Variants in SNX1 observed in about 807,000 individuals in gnomAD.
SNX1 encodes the protein sorting nexin-1.
SNX1 carries 36 observed loss-of-function variants against 71.8 expected under a neutral mutation model. The ratio of observed to expected loss-of-function variants is 0.50; its 90% CI spans 0.38 to 0.66. The LOEUF (loss-of-function observed/expected upper bound fraction) is 0.66. Among genes scored for constraint, SNX1 ranks in the 30% least tolerant of loss-of-function variants. The pLI is 0.00. For synonymous variants in SNX1, 254 were observed against 240.7 expected, an observed-to-expected ratio of 1.06 and a Z score of -0.51; for missense variants, 612 against 646.7, an observed-to-expected ratio of 0.95 and a Z score of 0.58.
chr15:64,096,959 AAC>A (rs2080908943), intron 1 of SNX1, among the ~76,000 whole-genome samples: 1 of 152,244 alleles, frequency 6.6e-6, no homozygotes, highest in Admixed American at 6.5e-5. Context: ...AAAGGAATGA[AAC>A]ACAAACGAAG....
At position 64,141,017 on chromosome 15, in the gene SNX1, A is replaced by ATAGG. The variant is rs2081408539; in HGVS notation, c.*3402_*3403insGTAG. ...GATAGATAGATAGATAGATAGATAG[A>ATAGG]TAGATAGATGATAGATATAGATAGA... On this transcript the variant is annotated 3_prime_UTR_variant, in exon 15 of 15. Transcript: ENST00000559844. The surrounding 1 kb of genome is among the most constrained non-coding windows in gnomAD (Gnocchi z 5.1). The ATAGG allele has an allele frequency of 6.6e-6, 1 of 150,786 alleles. No homozygotes were observed. The highest frequency in any genetic ancestry group is 6.6e-5 in the Admixed American group (1 of 15,260). The allele number at this position is 150,786 out of a possible 1,614,324, so 9.3% of individuals were successfully genotyped here.
Position 64,142,636 on chromosome 15 carries a change from C to T in SNX1, c.*5018C>T, listed in dbSNP as rs1201292942. 2.2e-6 allele frequency: 1 copy of T among 455,958 alleles called. No individual in the cohort carries two copies. The highest frequency in any genetic ancestry group is 3.3e-4 in the Middle Eastern group (1 of 3,068). The allele number at this position is 455,958 out of a possible 1,614,324, so 28.2% of individuals were successfully genotyped here. On this transcript the variant is annotated 3_prime_UTR_variant, in exon 15 of 15. Transcript: ENST00000559844. ...TTAAAATTTTCTGAGATAGGAATGT[C>T]ATATTTACCTATTTAAGCCAAGTTT...
At chr15:64,133,918 AG>A (rs1436895307) in intron 11 of SNX1, among the ~76,000 whole-genome samples, 1 of 152,326 alleles carries the variant, frequency 6.6e-6, no homozygotes, top group Non-Finnish European at 1.5e-5. Flanking sequence ...ATTGTGGTCA[AG>A]GAACTGGAAA....
At chr15:64,124,174 A>ATATATATATATATATATATG (rs2081225781) in intron 5 of SNX1, among the ~76,000 whole-genome samples, 1 of 99,460 alleles carries the variant, frequency 1.0e-5, no homozygotes, top group Non-Finnish European at 2.3e-5. Flanking sequence ...ATATATATAT[A>ATATATATATATATATATATG]TATATGACTG....
rs35090758 is a variant in SNX1, at chr15:64,104,884, T to TA, written c.160-7670dup. Among the ~76,000 whole-genome samples, 1,236 of 125,608 alleles carry TA rather than the reference T, an allele frequency of 9.8e-3. 11 individuals are homozygous for TA. Among genetic ancestry groups the TA allele is most frequent in the African/African-American group, 0.03 (1,011 of 33,516 alleles). The allele number at this position is 125,608 out of a possible 152,430, so 82.4% of individuals were successfully genotyped here. On this transcript the variant is annotated intron_variant, in intron 1 of 14. Coordinates refer to ENST00000559844, the MANE Select transcript of SNX1 (RefSeq NM_003099.5). ...TGGGCGACAGAGCAAGACTTGATCT[T>TA]AAAAAAAAAAAAAAAAAAAGATGGC... is the stretch of plus-strand genomic sequence containing the variant.
chr15:64,141,518 C>T lies in SNX1; in HGVS notation c.*3900C>T, dbSNP rs1267956325. On this transcript the variant is annotated 3_prime_UTR_variant, in exon 15 of 15. Transcript: ENST00000559844. This position sits in a 1 kb window ranked among gnomAD's most constrained non-coding sequence, Gnocchi z 5.1. ...CCAGGAGGGAGGACTTTGTGGAGAA[C>T]CTGATGCTTGAACTGAGTCTAAAAG... 10 of 152,266 alleles carry T rather than the reference C, an allele frequency of 6.6e-5. No homozygotes were observed. The highest frequency in any genetic ancestry group is 1.0e-4 in the Non-Finnish European group (7 of 68,104). 9.4% of individuals were successfully genotyped at this position (152,266 alleles called of 1,614,324 possible).
intron 1 of SNX1, among the ~76,000 whole-genome samples, chr15:64,106,269 A>G (rs754118687): frequency 1.3e-5 from 2 of 152,116 alleles, no homozygotes; most frequent in Non-Finnish European, 2.9e-5. Context: ...TTCATAGATT[A>G]CCCCCTGAAG....
intron 1 of SNX1, among the ~76,000 whole-genome samples, chr15:64,105,616 G>C (rs1176236096): frequency 6.6e-6 from 1 of 152,168 alleles, no homozygotes; most frequent in Non-Finnish European, 1.5e-5. Context: ...TTTCAATTTA[G>C]AAGGTAATCC....
In SNX1 at chr15:64,118,101, A is replaced by G. The variant is rs779150705; in HGVS notation, c.272-16A>G. On this transcript the variant is annotated splice_polypyrimidine_tract_variant and intron_variant, in intron 2 of 14. Transcript: ENST00000559844. ...TCATTACTGACCTTCATTTTAAAAT[A>G]TCAACTTCATTTTAGATGCCACAGT... 5 of 1,609,576 alleles carry G rather than the reference A, an allele frequency of 3.1e-6. 1 individual carries two copies. The South Asian group carries it at 5.5e-5, about 18-fold the overall frequency.
At chr15:64,108,036 A>G (rs1451264915) in intron 1 of SNX1, among the ~76,000 whole-genome samples, 1 of 152,048 alleles carries the variant, frequency 6.6e-6, no homozygotes, top group East Asian at 1.9e-4. Flanking sequence ...TACTAAAAAT[A>G]CAAAAAATTA....
At position 64,137,576 on chromosome 15, in the gene SNX1, G is replaced by T. The variant is rs763270451; in HGVS notation, c.1527G>T (p.Lys509Asn). 3.7e-6 allele frequency: 6 copies of T among 1,614,178 alleles called. No individual in the cohort carries two copies. The highest frequency in any genetic ancestry group is 5.1e-6 in the Non-Finnish European group (6 of 1,180,014). ...TLLYSQQQLA[K>N]YWEAFLPEAK... ...TCCCCACTTCTTTGCAGCTGGCAAA[G>T]TACTGGGAAGCCTTCCTTCCTGAGG... Residue 509 changes from lysine to asparagine, a missense_variant, in exon 15 of 15, where the codon AAG (lysine) becomes AAT (asparagine). Coordinates refer to ENST00000559844, the MANE Select transcript of SNX1 (RefSeq NM_003099.5).
At chr15:64,118,018 G>A in intron 2 of SNX1, 99 bp from the exon 3 acceptor site, 1 of 1,131,384 alleles carries the variant, frequency 8.8e-7, no homozygotes, top group South Asian at 1.4e-5. Flanking sequence ...TATGTATTGA[G>A]AGTGCTTGCT....
chr15:64,129,115 C>T lies in SNX1; in HGVS notation c.808-801C>T, dbSNP rs918798353. ...TACAAAAATTAGCGGGTCGTGGTGG[C>T]GGGCACCTATAATCCCAGCTACTTG... On this transcript the variant is annotated intron_variant, in intron 8 of 14. Coordinates refer to ENST00000559844, the MANE Select transcript of SNX1 (RefSeq NM_003099.5). This position sits in a 1 kb window ranked among gnomAD's most constrained non-coding sequence, Gnocchi z 4.4. Among the ~76,000 whole-genome samples the T allele has an allele frequency of 7.2e-5, 11 of 152,010 alleles. No individual in the cohort carries two copies. The highest frequency in any genetic ancestry group is 2.4e-4 in the African/African-American group (10 of 41,382).
At chr15:64,128,218 GC>G (rs1200868365) in intron 8 of SNX1, among the ~76,000 whole-genome samples, 1 of 152,208 alleles carries the variant, frequency 6.6e-6, no homozygotes, top group Non-Finnish European at 1.5e-5. Context: ...CACAGGCTAT[GC>G]GTAGGCTAGT....
Position 64,137,857 on chromosome 15 carries a change from G to A in SNX1, c.*239G>A, listed in dbSNP as rs2081375505. On this transcript the variant is annotated 3_prime_UTR_variant, in exon 15 of 15. Coordinates refer to ENST00000559844, the MANE Select transcript of SNX1 (RefSeq NM_003099.5). The stretch of plus-strand genomic sequence containing the variant: ...AAGCAAAAGACCTACAATAGGTGGT[G>A]GAATTATGGGATGGGGTGGAGTATT... The A allele has an allele frequency of 3.7e-5, 52 of 1,405,018 alleles. No homozygotes were observed. Among genetic ancestry groups the A allele is most frequent in the Non-Finnish European group, 4.5e-5 (49 of 1,083,166 alleles). 87.0% of individuals were successfully genotyped at this position (1,405,018 alleles called of 1,614,324 possible). A position where few individuals can be genotyped will look rare whatever the true frequency, so the allele number is the denominator to read the frequency against.
intron 11 of SNX1, chr15:64,132,332 C>G (rs763851122): frequency 5.0e-6 from 1 of 199,490 alleles, no homozygotes; most frequent in Non-Finnish European, 1.0e-5. Context: ...TTCCACTTGT[C>G]CTTCCAGTAT....
intron 12 of SNX1, 85 bp from the exon 13 acceptor site, chr15:64,136,245 C>A: frequency 2.0e-6 from 2 of 1,010,168 alleles, no homozygotes; most frequent in Non-Finnish European, 3.2e-6. Flanking sequence ...ATTGAGCCCT[C>A]ATATGTAAAA....
At chr15:64,107,947 A>C (rs988034074) in intron 1 of SNX1, among the ~76,000 whole-genome samples, 1 of 152,166 alleles carries the variant, frequency 6.6e-6, no homozygotes, top group African/African-American at 2.4e-5. Flanking sequence ...TAATCCCAGC[A>C]CTTTGGGAAG....
At chr15:64,099,419 A>T (rs1432407875) in intron 1 of SNX1, among the ~76,000 whole-genome samples, 2 of 151,282 alleles carry the variant, frequency 1.3e-5, no homozygotes, top group Non-Finnish European at 3.0e-5. Context: ...GAATTACTCT[A>T]AAAAAACCCA....
Sources: allele counts gnomAD v4.1 joint callset (sites outside exome capture counted in the v4.1 genomes callset), GRCh38; gene constraint gnomAD v4.1.1; non-coding constraint Gnocchi (gnomAD v3.1); transcripts MANE v1.5; gene names NCBI Gene and HGNC (gene_info 2026-07-23, HGNC 2026-07-21).